The following MACROD2 variants were observed in gnomAD, a reference collection of about 807,000 sequenced individuals.
MACROD2 encodes mono-ADP ribosylhydrolase 2, also known as ADP-ribose glycohydrolase MACROD2.
In MACROD2, 36 loss-of-function variants were observed where a neutral mutation model predicts 70.4. The observed-to-expected ratio is 0.51, with a 90% CI of 0.39 to 0.68. The LOEUF (loss-of-function observed/expected upper bound fraction) is 0.68, where lower values mean the gene tolerates loss of function less well. Among genes scored for constraint, MACROD2 ranks in the 30% least tolerant of loss-of-function variants. The probability of loss-of-function intolerance (pLI) is 0.00; values close to 1 mark genes in which losing one functional copy is unlikely to be tolerated. For missense variants in MACROD2, 496 were observed against 538.4 expected (o/e 0.92, Z 0.78); for synonymous variants, 172 against 178.8 (o/e 0.96, Z 0.30).
At chr20:15,757,850 T>C (rs1019152748) in intron 8 of MACROD2, among the ~76,000 whole-genome samples, 2 of 152,180 alleles carry the variant, frequency 1.3e-5, no homozygotes, top group Non-Finnish European at 2.9e-5. Flanking sequence ...CATCTAACTT[T>C]AACTACCTTG....
chr20:14,129,517 G>T (rs2148698003), intron 3 of MACROD2, among the ~76,000 whole-genome samples: 1 of 152,258 alleles, frequency 6.6e-6, no homozygotes, highest in East Asian at 1.9e-4. Context: ...ACAGAATTTG[G>T]AATATTACAT....
At chr20:15,370,076 A>G (rs1025122838) in intron 6 of MACROD2, among the ~76,000 whole-genome samples, 21 of 152,126 alleles carry the variant, frequency 1.4e-4, no homozygotes, top group Non-Finnish European at 2.8e-4. Context: ...TTTATAATGA[A>G]CTTAGATGAC....
intron 3 of MACROD2, among the ~76,000 whole-genome samples, chr20:14,443,572 C>G (rs943261301): frequency 1.3e-5 from 2 of 152,118 alleles, no homozygotes; most frequent in African/African-American, 4.8e-5. Flanking sequence ...GCTGGGATTA[C>G]AGGCATGAGC....
At chr20:15,939,454 T>C (rs1318618154) in intron 12 of MACROD2, among the ~76,000 whole-genome samples, 1 of 152,148 alleles carries the variant, frequency 6.6e-6, no homozygotes. Context: ...GTCTGTATTA[T>C]AGCATGTCTC....
At chr20:14,216,510 A>G (rs2122152853) in intron 3 of MACROD2, among the ~76,000 whole-genome samples, 1 of 152,142 alleles carries the variant, frequency 6.6e-6, no homozygotes, top group Admixed American at 6.5e-5. Context: ...TTTCATAAGA[A>G]TTTTAGAATT....
At chr20:15,529,502 T>G (rs1015096605) in intron 8 of MACROD2, among the ~76,000 whole-genome samples, 2 of 152,144 alleles carry the variant, frequency 1.3e-5, no homozygotes, top group Admixed American at 1.3e-4. Context: ...GTAAAGATCT[T>G]CCTTTAGAAG....
intron 10 of MACROD2, among the ~76,000 whole-genome samples, chr20:15,922,637 C>T (rs1322809014): frequency 6.6e-6 from 1 of 152,174 alleles, no homozygotes; most frequent in Non-Finnish European, 1.5e-5. Flanking sequence ...GGCAGTGCCT[C>T]CCCTGAGCAA....
At chr20:14,022,657 A>G (rs2053103320) in intron 2 of MACROD2, among the ~76,000 whole-genome samples, 1 of 151,070 alleles carries the variant, frequency 6.6e-6, no homozygotes. Context: ...ACGTGTTCTC[A>G]TTTTTCAACT....
chr20:15,400,448 G>A (rs2045914408), intron 6 of MACROD2, among the ~76,000 whole-genome samples: 1 of 152,178 alleles, frequency 6.6e-6, no homozygotes, highest in Non-Finnish European at 1.5e-5. Flanking sequence ...TAGAACTTAT[G>A]TCATCATTTG....
At chr20:15,919,831 T>C (rs1488669138) in intron 10 of MACROD2, among the ~76,000 whole-genome samples, 3 of 152,124 alleles carry the variant, frequency 2.0e-5, no homozygotes, top group Non-Finnish European at 2.9e-5. Context: ...ACAGAGACCA[T>C]TGGGAAGTGG....
chr20:15,199,725 C>T (rs897169501), intron 5 of MACROD2, among the ~76,000 whole-genome samples: 5 of 152,074 alleles, frequency 3.3e-5, no homozygotes, highest in African/African-American at 1.2e-4. Context: ...CCAGTTTGTT[C>T]ATGCTGTTTT....
intron 7 of MACROD2, among the ~76,000 whole-genome samples, chr20:15,441,934 C>T (rs1345027579): frequency 1.3e-5 from 2 of 152,184 alleles, no homozygotes; most frequent in African/African-American, 2.4e-5. Context: ...GAATATCTTT[C>T]AGGTACCTTG....
intron 5 of MACROD2, among the ~76,000 whole-genome samples, chr20:14,973,411 C>T (rs1005222552): frequency 1.3e-5 from 2 of 151,638 alleles, no homozygotes; most frequent in East Asian, 1.9e-4. Flanking sequence ...TTAGTATAGA[C>T]GAGATTTCAC....
At chr20:16,008,168 T>C (rs1056290463) in intron 15 of MACROD2, among the ~76,000 whole-genome samples, 4 of 152,248 alleles carry the variant, frequency 2.6e-5, no homozygotes, top group African/African-American at 9.6e-5. Context: ...ACCTGGCCTG[T>C]ATGGCAAGAG....
chr20:14,800,604 A>AT (rs559684948), intron 5 of MACROD2, among the ~76,000 whole-genome samples: 92 of 152,184 alleles, frequency 6.0e-4, no homozygotes, highest in South Asian at 6.0e-3. Flanking sequence ...CCACTGGGAA[A>AT]TTTTTTCCGG....
intron 5 of MACROD2, among the ~76,000 whole-genome samples, chr20:14,879,061 T>G (rs1200015802): frequency 1.3e-5 from 2 of 152,318 alleles, no homozygotes; most frequent in East Asian, 3.9e-4. Context: ...GGTTTTCACC[T>G]TACTCATCTC....
chr20:14,930,605 A>G (rs1046230407), intron 5 of MACROD2, among the ~76,000 whole-genome samples: 3 of 151,930 alleles, frequency 2.0e-5, no homozygotes, highest in African/African-American at 4.8e-5. Flanking sequence ...AATGCCTGCC[A>G]TGACACCTTC....
chr20:15,885,389 G>A (rs1040973067), intron 9 of MACROD2, among the ~76,000 whole-genome samples: 1 of 152,168 alleles, frequency 6.6e-6, no homozygotes, highest in African/African-American at 2.4e-5. Flanking sequence ...TACTTGAAGT[G>A]AGCATGCAGA....
intron 8 of MACROD2, among the ~76,000 whole-genome samples, chr20:15,681,243 T>C (rs535590101): frequency 1.6e-4 from 24 of 152,352 alleles, no homozygotes; most frequent in African/African-American, 5.5e-4. Flanking sequence ...TAGCCAAGTC[T>C]TCATATGTAA....
Sources: allele counts gnomAD v4.1 joint callset (sites outside exome capture counted in the v4.1 genomes callset), GRCh38; gene constraint gnomAD v4.1.1; transcripts MANE v1.5; gene names NCBI Gene and HGNC (gene_info 2026-07-23, HGNC 2026-07-21).